Variants in TMEM65 observed in about 807,000 individuals in gnomAD.
The protein encoded by TMEM65 is transmembrane protein 65.
In TMEM65, 22 loss-of-function variants were observed where a neutral mutation model predicts 25.4. The observed-to-expected ratio is 0.86, with a 90% CI of 0.62 to 1.23. TMEM65 has a LOEUF of 1.23. Among genes scored for constraint, TMEM65 ranks in the 50% most tolerant of loss-of-function variants. TMEM65 has a pLI of 0.00. For missense variants in TMEM65, 262 were observed against 308.2 expected (o/e 0.85, Z 1.12); for synonymous variants, 132 against 126.2 (o/e 1.05, Z -0.31).
intron 1 of TMEM65, among the ~76,000 whole-genome samples, chr8:124,359,508 A>G (rs1374568327): frequency 6.6e-6 from 1 of 152,164 alleles, no homozygotes; most frequent in East Asian, 1.9e-4. Flanking sequence ...TTGGGAGACC[A>G]TGGCAGGCAG....
At position 124,309,888 on chromosome 8, in the gene TMEM65, T is replaced by C. The variant is rs1814134794; in HGVS notation, c.*4072A>G. 1 of 151,382 alleles carries C rather than the reference T, an allele frequency of 6.6e-6. No homozygotes were observed. The allele number at this position is 151,382 out of a possible 1,614,324, so 9.4% of individuals were successfully genotyped here. ...CAACATGGTGAAACCCCGTTTCTAC[T>C]AAAAATACAAAAAAATTAGGCTCGG... On this transcript the variant is annotated 3_prime_UTR_variant, in exon 7 of 7. Coordinates refer to ENST00000297632, the MANE Select transcript of TMEM65 (RefSeq NM_194291.3).
chr8:124,357,987 G>A (rs898348108), intron 1 of TMEM65, among the ~76,000 whole-genome samples: 5 of 151,594 alleles, frequency 3.3e-5, no homozygotes, highest in South Asian at 2.1e-4. Context: ...CTGCCACCAC[G>A]CCCAGCTAGT....
chr8:124,363,710 G>A (rs1039602135), intron 1 of TMEM65, among the ~76,000 whole-genome samples: 6 of 150,902 alleles, frequency 4.0e-5, no homozygotes, highest in Non-Finnish European at 8.9e-5. Context: ...AGTGGCGGGC[G>A]CCTGTAGTCC....
intron 2 of TMEM65, 33 bp downstream of exon 2, chr8:124,330,715 T>A: frequency 1.9e-6 from 3 of 1,584,718 alleles, no homozygotes; most frequent in Non-Finnish European, 1.7e-6. Flanking sequence ...AAAAGACAGA[T>A]GAACATATAT....
At chr8:124,369,649 C>A (rs1213141958) in intron 1 of TMEM65, among the ~76,000 whole-genome samples, 1 of 152,108 alleles carries the variant, frequency 6.6e-6, no homozygotes, top group Non-Finnish European at 1.5e-5. Flanking sequence ...ATTTATCTGG[C>A]TGGAAAAAAA....
At chr8:124,339,222 A>AATATATATAAATATATATATATATAT (rs1814555307) in intron 1 of TMEM65, among the ~76,000 whole-genome samples, 2 of 19,904 alleles carry the variant, frequency 1.0e-4, no homozygotes, top group African/African-American at 5.3e-4. Context: ...AAAAAAAAAA[A>AATATATATAAATATATATATATATAT]ATATATATAT....
intron 1 of TMEM65, among the ~76,000 whole-genome samples, chr8:124,344,284 T>C (rs1197925426): frequency 6.6e-6 from 1 of 152,258 alleles, no homozygotes; most frequent in Non-Finnish European, 1.5e-5. Flanking sequence ...ATTTGCACTA[T>C]AAAATAAAGG....
chr8:124,361,437 CG>C (rs1814859239), intron 1 of TMEM65, among the ~76,000 whole-genome samples: 1 of 111,388 alleles, frequency 9.0e-6, no homozygotes, highest in African/African-American at 3.6e-5. Context: ...CTCTGTCTCA[CG>C]AAAAAAAAAA....
chr8:124,354,151 C>CA lies in TMEM65; in HGVS notation c.304+17702dup, dbSNP rs569686762. ...CTACAAAAAACCCAAAGACATGCTACAAAAAAACTGGTCTGTAATCCCCAA... is the reference window on the plus strand; with the variant it reads ...CTACAAAAAACCCAAAGACATGCTACAAAAAAAACTGGTCTGTAATCCCCAA... On this transcript the variant is annotated intron_variant, in intron 1 of 6. Coordinates refer to ENST00000297632, the MANE Select transcript of TMEM65 (RefSeq NM_194291.3). Among the ~76,000 whole-genome samples the CA allele has an allele frequency of 7.9e-5, 12 of 151,988 alleles. 1 individual carries two copies. In the South Asian group the frequency reaches 1.0e-3, roughly 13 times the overall value.
chr8:124,360,002 T>C (rs2131226211), intron 1 of TMEM65, among the ~76,000 whole-genome samples: 1 of 152,166 alleles, frequency 6.6e-6, no homozygotes, highest in African/African-American at 2.4e-5. Flanking sequence ...CACCCTAAAC[T>C]CAATAATTTC....
At chr8:124,314,932 C>T (rs186245005) in intron 6 of TMEM65, among the ~76,000 whole-genome samples, 2 of 152,064 alleles carry the variant, frequency 1.3e-5, no homozygotes, top group Non-Finnish European at 2.9e-5. Context: ...ACCTTGGCCT[C>T]CCAAATGAGA....
chr8:124,352,533 AAAAT>A (rs1814725104), intron 1 of TMEM65, among the ~76,000 whole-genome samples: 2 of 143,588 alleles, frequency 1.4e-5, no homozygotes, highest in East Asian at 2.1e-4. Context: ...AAAATAAAAT[AAAAT>A]AAAAATACAG....
At position 124,313,956 on chromosome 8, in the gene TMEM65, A is replaced by T. The variant is rs200988829; in HGVS notation, c.*4T>A. On this transcript the variant is annotated 3_prime_UTR_variant, in exon 7 of 7. Transcript: ENST00000297632. ...TACATCTTTTTATAGGTATTCTAAGAGGATTAACTTTTCGTTTCCAGTTTT... is the reference window on the plus strand; with the variant it reads ...TACATCTTTTTATAGGTATTCTAAGTGGATTAACTTTTCGTTTCCAGTTTT... The T allele has an allele frequency of 1.6e-5, 26 of 1,596,860 alleles. No individual in the cohort carries two copies. Among genetic ancestry groups the T allele is most frequent in the Non-Finnish European group, 2.0e-5 (23 of 1,165,266 alleles).
In TMEM65 at chr8:124,329,782, G is replaced by C. The variant is rs532351707; in HGVS notation, c.349+966C>G. 4.6e-5 allele frequency among the ~76,000 whole-genome samples: 7 copies of C among 151,930 alleles called. No individual in the cohort carries two copies. In the South Asian group the frequency reaches 1.5e-3, roughly 32 times the overall value. On this transcript the variant is annotated intron_variant, in intron 2 of 6. Transcript: ENST00000297632. ...AAAGGGGTTTAGGTATGATAACACA[G>C]CCATACAAACAGTAAATTTCAATAC...
chr8:124,361,423 G>T (rs1275704923), intron 1 of TMEM65, among the ~76,000 whole-genome samples: 4 of 136,958 alleles, frequency 2.9e-5, no homozygotes, highest in African/African-American at 1.1e-4. Flanking sequence ...CAACAAGAGC[G>T]AAACTCTGTC....
chr8:124,325,096 G>A (rs1430963490), intron 3 of TMEM65, among the ~76,000 whole-genome samples: 1 of 151,816 alleles, frequency 6.6e-6, no homozygotes, highest in African/African-American at 2.4e-5. Context: ...ATTACAAGAG[G>A]TTACACACCT....
At chr8:124,367,759 A>G (rs1327616707) in intron 1 of TMEM65, among the ~76,000 whole-genome samples, 1 of 152,164 alleles carries the variant, frequency 6.6e-6, no homozygotes, top group Non-Finnish European at 1.5e-5. Flanking sequence ...GGGGGACTAC[A>G]AGATTAAAGT....
chr8:124,336,982 T>G (rs1814516208), intron 1 of TMEM65, among the ~76,000 whole-genome samples: 1 of 151,790 alleles, frequency 6.6e-6, no homozygotes, highest in African/African-American at 2.4e-5. Flanking sequence ...AAAAGAGTAT[T>G]ATGAAAAACG....
In TMEM65 at chr8:124,372,236, C is replaced by A. The variant is rs1184676891; in HGVS notation, c.-79G>T. On this transcript the variant is annotated 5_prime_UTR_variant, in exon 1 of 7. Transcript: ENST00000297632. ...GCGGCTGAGGCGAGAAGGAGCTGGG[C>A]TCAGCTCGACCCCGCCCCGAGGTCC... is the stretch of plus-strand genomic sequence containing the variant. 8.4e-7 allele frequency: 1 copy of A among 1,191,314 alleles called. No homozygotes were observed. Among genetic ancestry groups the A allele is most frequent in the Non-Finnish European group, 1.0e-6 (1 of 954,006 alleles). 73.8% of individuals were successfully genotyped at this position (1,191,314 alleles called of 1,614,324 possible). A position where few individuals can be genotyped will look rare whatever the true frequency, so the allele number is the denominator to read the frequency against.
Sources: gnomAD v4.1 joint callset for allele counts (sites outside exome capture counted in the v4.1 genomes callset) on GRCh38, gnomAD v4.1.1 for gene constraint, MANE v1.5 for transcripts, NCBI Gene and HGNC (gene_info 2026-07-23, HGNC 2026-07-21) for gene names.